Variants in FRAS1 observed in about 807,000 individuals in gnomAD.
FRAS1 encodes extracellular matrix organizing protein FRAS1.
In FRAS1, 290 loss-of-function variants were observed where a neutral mutation model predicts 435.2. The observed-to-expected ratio is 0.67, with a 90% CI of 0.61 to 0.73. The LOEUF (loss-of-function observed/expected upper bound fraction) is 0.73. Among genes scored for constraint, FRAS1 ranks in the 30% least tolerant of loss-of-function variants. The pLI is 0.00. For missense variants in FRAS1, 4,860 were observed against 5,001.5 expected, an observed-to-expected ratio of 0.97 and a Z score of 0.85; for synonymous variants, 1,800 against 1,851.0, an observed-to-expected ratio of 0.97 and a Z score of 0.71.
At chr4:78,090,992 G>T (rs2082039413) in intron 2 of FRAS1, among the ~76,000 whole-genome samples, 1 of 152,200 alleles carries the variant, frequency 6.6e-6, no homozygotes, top group Non-Finnish European at 1.5e-5. Context: ...TAAGTACATT[G>T]TTAAAAATAA....
intron 30 of FRAS1, among the ~76,000 whole-genome samples, chr4:78,405,839 T>G (rs1733076007): frequency 6.6e-6 from 1 of 152,236 alleles, no homozygotes; most frequent in Admixed American, 6.5e-5. Flanking sequence ...GAATATAGCT[T>G]CTGCTTGCAG....
In FRAS1 at chr4:78,499,476, A is replaced by G. The variant is rs897883874; in HGVS notation, c.9116-245A>G. On this transcript the variant is annotated intron_variant, in intron 60 of 73. Transcript: ENST00000512123. ...AAAGTCTCTACAAATAATTCCACCC[A>G]TTATATTGTTTTTAATAAGGAACAT... Among the ~76,000 whole-genome samples, 5 of 152,322 alleles carry G rather than the reference A, an allele frequency of 3.3e-5. No homozygotes were observed. In the South Asian group the frequency reaches 6.2e-4, roughly 19 times the overall value.
chr4:78,506,705 C>A (rs114593698), intron 61 of FRAS1, among the ~76,000 whole-genome samples: 9 of 151,940 alleles, frequency 5.9e-5, no homozygotes, highest in African/African-American at 2.2e-4. Context: ...CCTTGCACTT[C>A]TCGGGTGAGG....
chr4:78,475,045 A>G (rs1719815770), intron 53 of FRAS1, among the ~76,000 whole-genome samples: 1 of 152,144 alleles, frequency 6.6e-6, no homozygotes, highest in Non-Finnish European at 1.5e-5. Context: ...TAAGTCATTG[A>G]TTGCCTTCAG....
intron 73 of FRAS1, among the ~76,000 whole-genome samples, chr4:78,539,702 C>T (rs1387515908): frequency 6.6e-6 from 1 of 152,142 alleles, no homozygotes; most frequent in Non-Finnish European, 1.5e-5. Flanking sequence ...TATGACACTC[C>T]AGTTTTTCCT....
At chr4:78,516,319 GC>G (rs1721215724) in intron 66 of FRAS1, among the ~76,000 whole-genome samples, 1 of 152,172 alleles carries the variant, frequency 6.6e-6, no homozygotes, top group South Asian at 2.1e-4. Flanking sequence ...ATTTTGGAAA[GC>G]CAAAAATATT....
intron 72 of FRAS1, 114 bp from the exon 73 acceptor site, chr4:78,539,180 A>G: frequency 9.9e-7 from 1 of 1,006,094 alleles, no homozygotes; most frequent in Non-Finnish European, 1.4e-6. Flanking sequence ...ATACTCTCTC[A>G]ACTCAACCTA....
chr4:78,181,883 G>A, intron 2 of FRAS1: 1 of 1,611,758 alleles, frequency 6.2e-7, no homozygotes, highest in South Asian at 1.1e-5. Context: ...CGCCGCCTGA[G>A]CTGCGCTCTT....
At chr4:78,439,512 C>T (rs1734569759) in intron 40 of FRAS1, among the ~76,000 whole-genome samples, 1 of 152,190 alleles carries the variant, frequency 6.6e-6, no homozygotes, top group Non-Finnish European at 1.5e-5. Flanking sequence ...ATTGAATACC[C>T]AGACATCAGT....
rs1729210449 is a variant in FRAS1 at position 78,315,615 on chromosome 4, G to A, written c.1700G>A (p.Ser567Asn). ...TTAGCTTGTGACCAATCCTGTGACA[G>A]TTGTGGCCCCAGTAGCCCCAGGTGT... ...TCSACDQSCD[S>N]CGPSSPRCLT... Residue 567 changes from serine (S) to asparagine (N), a missense_variant, in exon 16 of 74, where the codon AGT becomes AAT. Physicochemically the swap from Ser to Asn is conservative, Grantham distance 46 (BLOSUM62 1). Coordinates refer to ENST00000512123, the MANE Select transcript of FRAS1 (RefSeq NM_025074.7). 1 of 1,612,840 alleles carries A rather than the reference G, an allele frequency of 6.2e-7. No homozygotes were observed. Among genetic ancestry groups the A allele is most frequent in the Non-Finnish European group, 8.5e-7 (1 of 1,179,404 alleles).
chr4:78,186,917 T>C (rs1722295189), intron 2 of FRAS1, among the ~76,000 whole-genome samples: 1 of 152,232 alleles, frequency 6.6e-6, no homozygotes, highest in South Asian at 2.1e-4. Flanking sequence ...TATAGTAATA[T>C]ATGTACTTAG....
chr4:78,509,585 C>T (rs1276451196), intron 63 of FRAS1, among the ~76,000 whole-genome samples: 3 of 152,194 alleles, frequency 2.0e-5, no homozygotes, highest in Non-Finnish European at 4.4e-5. Context: ...CAGCACGTTA[C>T]AAAGCTCTAT....
intron 40 of FRAS1, among the ~76,000 whole-genome samples, chr4:78,440,124 G>A (rs370621686): frequency 0.026 from 3,843 of 146,644 alleles, 166 homozygotes; most frequent in African/African-American, 0.092. Flanking sequence ...TCCGCTTCCC[G>A]GGTTCACGCC....
chr4:78,243,942 T>C (rs917934008), intron 3 of FRAS1, among the ~76,000 whole-genome samples: 1 of 152,158 alleles, frequency 6.6e-6, no homozygotes, highest in Non-Finnish European at 1.5e-5. Flanking sequence ...TTTCTCTAAT[T>C]GTTTTAGTGG....
At chr4:78,140,492 G>A (rs1316897290) in intron 2 of FRAS1, among the ~76,000 whole-genome samples, 7 of 152,150 alleles carry the variant, frequency 4.6e-5, no homozygotes, top group African/African-American at 1.7e-4. Context: ...CTGAACCACA[G>A]TTTCTTAATT....
intron 59 of FRAS1, among the ~76,000 whole-genome samples, chr4:78,494,909 C>G (rs536642345): frequency 6.6e-6 from 1 of 152,188 alleles, no homozygotes; most frequent in Non-Finnish European, 1.5e-5. Context: ...CTGCATATAC[C>G]TAATTTGAAA....
At chr4:78,151,657 T>C (rs1720667630) in intron 2 of FRAS1, among the ~76,000 whole-genome samples, 1 of 152,210 alleles carries the variant, frequency 6.6e-6, no homozygotes, top group Non-Finnish European at 1.5e-5. Context: ...CAGAATGTGC[T>C]ATTATCTACT....
chr4:78,220,775 C>T (rs11098093), intron 2 of FRAS1, among the ~76,000 whole-genome samples: 52,493 of 152,008 alleles, frequency 0.35, 9,068 homozygotes, highest in Admixed American at 0.37. Flanking sequence ...TTTAGCAGCT[C>T]ATCTCAAGAA....
chr4:78,128,830 A>G (rs965162984), intron 2 of FRAS1, among the ~76,000 whole-genome samples: 1 of 152,208 alleles, frequency 6.6e-6, no homozygotes, highest in African/African-American at 2.4e-5. Flanking sequence ...GTCCTTGCCC[A>G]TGCCTATGTC....
Sources: gnomAD v4.1 joint callset for allele counts (sites outside exome capture counted in the v4.1 genomes callset) on GRCh38, gnomAD v4.1.1 for gene constraint, MANE v1.5 for transcripts, NCBI Gene and HGNC (gene_info 2026-07-23, HGNC 2026-07-21) for gene names.